Variants in FSAF1 observed in about 807,000 individuals in gnomAD.
FSAF1 encodes the protein 40S small subunit processome assembly factor 1, also known as uncharacterized protein C1orf131.
chr1:231,231,015 C>T, the FSAF1 span, among the ~76,000 whole-genome samples: 10 of 152,206 alleles, frequency 6.6e-5, no homozygotes, highest in Non-Finnish European at 1.3e-4. Context: ...TAACAGAGGA[C>T]GTGACAGCAG....
the FSAF1 span, among the ~76,000 whole-genome samples, chr1:231,233,159 A>AAATAG: frequency 6.6e-6 from 1 of 152,174 alleles, no homozygotes; most frequent in Non-Finnish European, 1.5e-5. Flanking sequence ...TTGGGGAACG[A>AAATAG]TCAAAGCTAT....
At chr1:231,239,250 A>C in the FSAF1 span, 1 of 1,376,538 alleles carries the variant, frequency 7.3e-7, no homozygotes, top group Admixed American at 2.4e-5. Flanking sequence ...ATCAGTATCA[A>C]ATCCTACGAA....
At chr1:231,231,669 A>G in the FSAF1 span, among the ~76,000 whole-genome samples, 8 of 152,176 alleles carry the variant, frequency 5.3e-5, no homozygotes, top group African/African-American at 1.9e-4. Flanking sequence ...GGATTTCAGC[A>G]CAGTAATAAA....
At chr1:231,224,792 C>G in the FSAF1 span, 1 of 199,510 alleles carries the variant, frequency 5.0e-6, no homozygotes, top group South Asian at 1.3e-4. Context: ...TATCATCTTA[C>G]TTATCCATTT....
At chr1:231,224,156 T>G in the FSAF1 span, 4 of 1,179,732 alleles carry the variant, frequency 3.4e-6, no homozygotes, top group Non-Finnish European at 4.6e-6. Flanking sequence ...TGACTTTTTT[T>G]CTAAAATGAA....
At chr1:231,225,354 GAC>G in the FSAF1 span, 277 of 922,392 alleles carry the variant, frequency 3.0e-4, 2 homozygotes, top group South Asian at 3.9e-3. Flanking sequence ...ATAAATGAGA[GAC>G]AGTGAAGCGC....
At chr1:231,231,976 G>A in the FSAF1 span, among the ~76,000 whole-genome samples, 1 of 152,132 alleles carries the variant, frequency 6.6e-6, no homozygotes, top group Non-Finnish European at 1.5e-5. Flanking sequence ...TAGTTTTGTA[G>A]CTATTGATGG....
At chr1:231,225,542 A>G in the FSAF1 span, 1 of 1,601,838 alleles carries the variant, frequency 6.2e-7, no homozygotes, top group Non-Finnish European at 8.6e-7. Context: ...AGAATTTAAG[A>G]TCATATACAT....
chr1:231,231,540 G>A, the FSAF1 span, among the ~76,000 whole-genome samples: 8 of 151,970 alleles, frequency 5.3e-5, no homozygotes, highest in East Asian at 1.9e-4. Flanking sequence ...TCACTCTGTC[G>A]CCAGGCTGGA....
At chr1:231,237,209 A>G in the FSAF1 span, 1 of 152,232 alleles carries the variant, frequency 6.6e-6, no homozygotes, top group Non-Finnish European at 1.5e-5. Context: ...CAAGCTTGAT[A>G]TGAAATGCTA....
chr1:231,238,996 C>T, the FSAF1 span: 1 of 1,613,984 alleles, frequency 6.2e-7, no homozygotes, highest in Admixed American at 1.7e-5. Flanking sequence ...TGTGGGGGTC[C>T]CAGAAGGAGC....
chr1:231,226,344 C>T, the FSAF1 span: 1 of 256,456 alleles, frequency 3.9e-6, no homozygotes, highest in South Asian at 5.5e-5. Context: ...TACACATGGG[C>T]TTCCCTCTGC....
the FSAF1 span, chr1:231,226,405 A>T: frequency 4.5e-5 from 15 of 336,058 alleles, no homozygotes; most frequent in Non-Finnish European, 6.0e-5. Flanking sequence ...GGCCGAGCAG[A>T]TGCCAGTGCT....
the FSAF1 span, among the ~76,000 whole-genome samples, chr1:231,231,723 C>T: frequency 6.6e-6 from 1 of 152,280 alleles, no homozygotes; most frequent in East Asian, 1.9e-4. Flanking sequence ...GCTGAAACCC[C>T]TGGGCCCTGG....
the FSAF1 span, chr1:231,224,289 A>G: frequency 1.4e-4 from 217 of 1,606,622 alleles, no homozygotes; most frequent in Admixed American, 5.4e-4. Context: ...TCATTTGGCC[A>G]CTCTGGAAGA....
chr1:231,225,867 T>C, the FSAF1 span: 1 of 298,298 alleles, frequency 3.4e-6, no homozygotes, highest in Non-Finnish European at 6.5e-6. Context: ...CTATTCCAGG[T>C]AAGACTAATA....
the FSAF1 span, among the ~76,000 whole-genome samples, chr1:231,233,963 G>A: frequency 1.3e-5 from 2 of 152,198 alleles, no homozygotes; most frequent in Admixed American, 1.3e-4. Context: ...CTGGGTGTTT[G>A]GAATTGCAGA....
At chr1:231,240,218 G>A in the FSAF1 span, among the ~76,000 whole-genome samples, 3 of 152,180 alleles carry the variant, frequency 2.0e-5, no homozygotes, top group Non-Finnish European at 4.4e-5. This position sits in a 1 kb window ranked among gnomAD's most constrained non-coding sequence, Gnocchi z 4.1. Flanking sequence ...CGAAAAGCAT[G>A]TGCTATATGG....
chr1:231,224,421 T>TG, the FSAF1 span: 1 of 1,601,996 alleles, frequency 6.2e-7, no homozygotes. Flanking sequence ...TTTCCTACAT[T>TG]TAAAGTAAGA....
Sources: gnomAD v4.1 joint callset for allele counts (sites outside exome capture counted in the v4.1 genomes callset) on GRCh38, gnomAD v4.1.1 for gene constraint, Gnocchi (gnomAD v3.1) non-coding constraint, MANE v1.5 for transcripts, NCBI Gene and HGNC (gene_info 2026-07-23, HGNC 2026-07-21) for gene names.